RIMS2: variants seen among roughly 807,000 people sequenced by gnomAD.
RIMS2 encodes the protein regulating synaptic membrane exocytosis protein 2.
A neutral mutation model predicts 174.4 loss-of-function variants in RIMS2; 59 were observed. The observed-to-expected ratio is 0.34, with a 90% CI of 0.27 to 0.42. RIMS2 has a LOEUF of 0.42. RIMS2 is among the 10% of genes least tolerant of loss of function. The probability of loss-of-function intolerance (pLI) is 1.00; values close to 1 mark genes in which losing one functional copy is unlikely to be tolerated. For missense variants in RIMS2, 1,620 were observed against 1,666.3 expected (o/e 0.97, Z 0.48); for synonymous variants, 606 against 572.5 (o/e 1.06, Z -0.84).
intron 19 of RIMS2, among the ~76,000 whole-genome samples, chr8:104,019,184 C>T (rs745878829): frequency 3.3e-5 from 5 of 152,088 alleles, no homozygotes; most frequent in Non-Finnish European, 4.4e-5. Flanking sequence ...GGCAGCAGAG[C>T]GAGACTGTGT....
At chr8:103,606,715 T>G (rs2095108575) in intron 1 of RIMS2, among the ~76,000 whole-genome samples, 1 of 152,174 alleles carries the variant, frequency 6.6e-6, no homozygotes, top group Admixed American at 6.5e-5. Context: ...TTTAGGATAG[T>G]TAGCTCTTCT....
At chr8:104,084,416 C>T (rs922294907) in intron 19 of RIMS2, among the ~76,000 whole-genome samples, 2 of 123,850 alleles carry the variant, frequency 1.6e-5, no homozygotes, top group East Asian at 2.8e-4. Context: ...CCAGCCTGGG[C>T]GACTGAGCAA....
chr8:103,731,284 T>G (rs1182332712), intron 2 of RIMS2, among the ~76,000 whole-genome samples: 1 of 152,198 alleles, frequency 6.6e-6, no homozygotes, highest in Non-Finnish European at 1.5e-5. Flanking sequence ...TGCCACTGTT[T>G]CCTAGTCTAT....
intron 3 of RIMS2, among the ~76,000 whole-genome samples, chr8:103,805,298 T>C (rs1262904796): frequency 6.6e-6 from 1 of 152,166 alleles, no homozygotes; most frequent in Non-Finnish European, 1.5e-5. Flanking sequence ...ACTATTGTCA[T>C]AAGATTTGGG....
chr8:103,845,172 A>G (rs1030443618), intron 3 of RIMS2, among the ~76,000 whole-genome samples: 2 of 152,074 alleles, frequency 1.3e-5, no homozygotes, highest in Non-Finnish European at 2.9e-5. Flanking sequence ...AGAATAGTCA[A>G]AGATCCTTTT....
chr8:103,557,879 A>G (rs2131842460), intron 1 of RIMS2, among the ~76,000 whole-genome samples: 1 of 152,316 alleles, frequency 6.6e-6, no homozygotes, highest in Admixed American at 6.5e-5. Context: ...GAAAATGAGT[A>G]GTCTGTGCTC....
chr8:104,235,340 A>G (rs757333288), intron 19 of RIMS2, among the ~76,000 whole-genome samples: 3 of 152,138 alleles, frequency 2.0e-5, no homozygotes, highest in Non-Finnish European at 4.4e-5. Flanking sequence ...TTCAAATCTC[A>G]TCTATATTAT....
At chr8:103,926,283 A>C (rs1216780777) in intron 10 of RIMS2, among the ~76,000 whole-genome samples, 3 of 151,606 alleles carry the variant, frequency 2.0e-5, no homozygotes, top group Admixed American at 6.6e-5. Context: ...AAATTTCTCT[A>C]TGAATTTCAT....
chr8:103,955,940 A>G (rs995299106), intron 14 of RIMS2, among the ~76,000 whole-genome samples: 16 of 152,322 alleles, frequency 1.1e-4, no homozygotes, highest in African/African-American at 3.8e-4. Flanking sequence ...AATCACAAGC[A>G]TTCCTATACA....
At chr8:103,971,680 G>A (rs562881367) in intron 15 of RIMS2, among the ~76,000 whole-genome samples, 27 of 151,598 alleles carry the variant, frequency 1.8e-4, no homozygotes, top group South Asian at 1.2e-3. Flanking sequence ...CAAGCAATGC[G>A]TCTGCCTCAG....
intron 1 of RIMS2, among the ~76,000 whole-genome samples, chr8:103,521,492 ATT>A (rs1445255179): frequency 1.3e-5 from 2 of 151,894 alleles, no homozygotes; most frequent in Non-Finnish European, 2.9e-5. Flanking sequence ...TATCATAAAT[ATT>A]TCTTCCATGA....
chr8:103,529,532 TC>T (rs1378173770), intron 1 of RIMS2, among the ~76,000 whole-genome samples: 1 of 152,204 alleles, frequency 6.6e-6, no homozygotes, highest in African/African-American at 2.4e-5. Flanking sequence ...TGTCACAGCT[TC>T]CCTTGGCTAG....
At chr8:103,753,856 T>A (rs62527096) in intron 2 of RIMS2, among the ~76,000 whole-genome samples, 1,836 of 152,318 alleles carry the variant, frequency 0.012, 24 homozygotes, top group Non-Finnish European at 0.021. Context: ...TCTATCAATT[T>A]TGTCAATCTT....
chr8:103,736,849 TAGAAC>T (rs1411926057), intron 2 of RIMS2, among the ~76,000 whole-genome samples: 4 of 152,168 alleles, frequency 2.6e-5, no homozygotes, highest in Admixed American at 6.5e-5. Flanking sequence ...GACATTTAGG[TAGAAC>T]AGAATCTTAT....
intron 12 of RIMS2, among the ~76,000 whole-genome samples, chr8:103,935,296 G>A (rs2080996466): frequency 6.6e-6 from 1 of 151,960 alleles, no homozygotes; most frequent in Admixed American, 6.6e-5. Flanking sequence ...ATGCCTTCGT[G>A]GTTAATAAAG....
At chr8:103,784,038 A>T (rs1296205717) in intron 3 of RIMS2, among the ~76,000 whole-genome samples, 9 of 150,394 alleles carry the variant, frequency 6.0e-5, no homozygotes, top group Admixed American at 5.3e-4. Context: ...GCATTTTTTC[A>T]TGTGTTTTTT....
chr8:103,570,322 G>A (rs1274924075), intron 1 of RIMS2, among the ~76,000 whole-genome samples: 1 of 152,152 alleles, frequency 6.6e-6, no homozygotes. Context: ...TTAAAAAATA[G>A]AGTTAGAATT....
intron 14 of RIMS2, among the ~76,000 whole-genome samples, chr8:103,956,457 A>G (rs1415177960): frequency 6.6e-6 from 1 of 152,160 alleles, no homozygotes; most frequent in Non-Finnish European, 1.5e-5. Flanking sequence ...CACATCTACA[A>G]CCATCTGATC....
chr8:104,041,174 A>G (rs999399352), intron 19 of RIMS2, among the ~76,000 whole-genome samples, 152 bp from the exon 22 acceptor site: 2 of 151,618 alleles, frequency 1.3e-5, no homozygotes, highest in Non-Finnish European at 3.0e-5. Context: ...TGTGGAATGC[A>G]TTTGATTATA....
Sources: gnomAD v4.1 joint callset for allele counts (sites outside exome capture counted in the v4.1 genomes callset) on GRCh38, gnomAD v4.1.1 for gene constraint, MANE v1.5 for transcripts, NCBI Gene and HGNC (gene_info 2026-07-23, HGNC 2026-07-21) for gene names.